The following CAMTA1 variants were observed in gnomAD, a reference collection of about 807,000 sequenced individuals.
CAMTA1 encodes calmodulin binding transcription activator 1, also known as calmodulin-binding transcription activator 1.
In CAMTA1, 27 loss-of-function variants were observed where a neutral mutation model predicts 170.9. The observed-to-expected ratio is 0.16, with a 90% CI of 0.12 to 0.22. The LOEUF is 0.22. Among genes scored for constraint, CAMTA1 ranks in the 10% least tolerant of loss-of-function variants. The probability of loss-of-function intolerance (pLI) is 1.00; values close to 1 mark genes in which losing one functional copy is unlikely to be tolerated. For missense variants in CAMTA1, 1,619 were observed against 2,217.2 expected (o/e 0.73, Z 5.42); for synonymous variants, 833 against 891.5 (o/e 0.93, Z 1.17).
intron 4 of CAMTA1, among the ~76,000 whole-genome samples, chr1:7,243,346 T>G (rs945340995): frequency 6.6e-5 from 10 of 152,214 alleles, no homozygotes; most frequent in Admixed American, 2.0e-4. Context: ...TCTTCTAGGG[T>G]TTTTATGGTT....
rs566787445 is a variant in CAMTA1, at chr1:6,856,136, A to G, written c.234+30926A>G. 8.5e-5 allele frequency among the ~76,000 whole-genome samples: 13 copies of G among 152,202 alleles called. No homozygotes were observed. The East Asian group carries it at 2.5e-3, about 29-fold the overall frequency. ...TGCTGTTGTGTGCTGTAGTCTCTGGAGGCTGGAGCAGCTGCAGGTGCTTGT... is the reference window on the plus strand; with the variant it reads ...TGCTGTTGTGTGCTGTAGTCTCTGGGGGCTGGAGCAGCTGCAGGTGCTTGT... On this transcript the variant is annotated intron_variant, in intron 3 of 22. Transcript: ENST00000303635.
intron 4 of CAMTA1, among the ~76,000 whole-genome samples, chr1:7,242,976 A>G (rs1469151839): frequency 6.6e-6 from 1 of 151,890 alleles, no homozygotes; most frequent in African/African-American, 2.4e-5. Context: ...AATAAAAAAT[A>G]AAAAAAAGAA....
At chr1:7,647,276 G>T (rs1485944971) in intron 7 of CAMTA1, among the ~76,000 whole-genome samples, 1 of 91,134 alleles carries the variant, frequency 1.1e-5, no homozygotes, top group Non-Finnish European at 2.5e-5. Context: ...CAAAGATCCA[G>T]AAGGGGGGGG....
At chr1:7,111,282 C>G (rs564330223) in intron 4 of CAMTA1, among the ~76,000 whole-genome samples, 1 of 152,352 alleles carries the variant, frequency 6.6e-6, no homozygotes, top group African/African-American at 2.4e-5. Context: ...ACCACATAAT[C>G]TAACATAGCC....
intron 22 of CAMTA1, among the ~76,000 whole-genome samples, chr1:7,759,853 G>C (rs931588107): frequency 1.4e-4 from 21 of 152,170 alleles, no homozygotes; most frequent in African/African-American, 4.8e-4. Context: ...TGTTTTTCTA[G>C]ACAGAAAATG....
Position 7,642,533 on chromosome 1 carries a change from A to G in CAMTA1, c.664+1980A>G, listed in dbSNP as rs2095771774. ...GTACATAGGGGGCACCTCACTATGC[A>G]GGGCTGGCACCGGACACTGGGTCCT... On this transcript the variant is annotated intron_variant, in intron 7 of 22. Transcript: ENST00000303635. The surrounding 1 kb of genome is among the most constrained non-coding windows in gnomAD (Gnocchi z 6.3). 6.6e-6 allele frequency among the ~76,000 whole-genome samples: 1 copy of G among 152,154 alleles called. No homozygotes were observed. Among genetic ancestry groups the G allele is most frequent in the African/African-American group, 2.4e-5 (1 of 41,440 alleles).
At chr1:7,740,904 G>T (rs1453835604) in intron 16 of CAMTA1, among the ~76,000 whole-genome samples, 1 of 152,100 alleles carries the variant, frequency 6.6e-6, no homozygotes, top group Admixed American at 6.5e-5. Flanking sequence ...TATGAAAAAA[G>T]CAGCAGTCTA....
chr1:7,468,823 G>A (rs1396549347), intron 6 of CAMTA1, among the ~76,000 whole-genome samples: 1 of 152,214 alleles, frequency 6.6e-6, no homozygotes, highest in Non-Finnish European at 1.5e-5. Flanking sequence ...TCTCTGACCT[G>A]GCGGGGGTGT....
chr1:7,096,067 C>T (rs927966583), intron 4 of CAMTA1, among the ~76,000 whole-genome samples: 3 of 152,202 alleles, frequency 2.0e-5, no homozygotes, highest in Non-Finnish European at 4.4e-5. Flanking sequence ...ATAGATAGCA[C>T]CTCCACATGG....
chr1:7,219,193 A>G (rs933939748), intron 4 of CAMTA1, among the ~76,000 whole-genome samples: 1 of 152,152 alleles, frequency 6.6e-6, no homozygotes, highest in Non-Finnish European at 1.5e-5. Flanking sequence ...CTTCAGCCAA[A>G]TACTGGCGTG....
intron 5 of CAMTA1, among the ~76,000 whole-genome samples, chr1:7,306,910 A>G (rs545879613): frequency 5.3e-5 from 8 of 151,946 alleles, no homozygotes; most frequent in Non-Finnish European, 1.0e-4. Context: ...TATAGCATCT[A>G]CATTAGGTAT....
At chr1:7,571,561 T>C (rs2095126447) in intron 6 of CAMTA1, among the ~76,000 whole-genome samples, 1 of 152,192 alleles carries the variant, frequency 6.6e-6, no homozygotes, top group Admixed American at 6.5e-5. Context: ...TTATTTTAGC[T>C]CCCAATTATA....
chr1:7,166,302 G>A (rs144056517), intron 4 of CAMTA1, among the ~76,000 whole-genome samples: 8 of 152,286 alleles, frequency 5.3e-5, no homozygotes, highest in East Asian at 3.9e-4. Flanking sequence ...TCCTGACTGC[G>A]TGATCTGCCT....
At chr1:6,831,148 A>G (rs1649963995) in intron 3 of CAMTA1, among the ~76,000 whole-genome samples, 1 of 152,154 alleles carries the variant, frequency 6.6e-6, no homozygotes, top group Non-Finnish European at 1.5e-5. Context: ...GACTATTAGT[A>G]TGTGGACTAT....
intron 7 of CAMTA1, among the ~76,000 whole-genome samples, chr1:7,651,833 G>A (rs546225250): frequency 5.9e-4 from 90 of 152,360 alleles, no homozygotes; most frequent in African/African-American, 1.9e-3. Context: ...TGGGGGCCCC[G>A]ACCCCAGGCC....
In CAMTA1 at chr1:7,410,104, C is replaced by T. The variant is rs2090604768; in HGVS notation, c.439-57726C>T. On this transcript the variant is annotated intron_variant, in intron 5 of 22. Transcript: ENST00000303635. ...GCTTTTCTCCAGTTGCTCTCCCCTC[C>T]TTGAAGGAAAGCAGTAAGGATTTGT... is the stretch of plus-strand genomic sequence containing the variant. Among the ~76,000 whole-genome samples, 3 of 152,192 alleles carry T rather than the reference C, an allele frequency of 2.0e-5. No individual in the cohort carries two copies. The South Asian group carries it at 6.2e-4, about 31-fold the overall frequency.
chr1:7,056,922 G>T (rs2101685228), intron 3 of CAMTA1, among the ~76,000 whole-genome samples: 1 of 152,322 alleles, frequency 6.6e-6, no homozygotes, highest in South Asian at 2.1e-4. Context: ...CCCCTCAGAA[G>T]ACTCTTGGTT....
chr1:7,502,094 G>A (rs960966079), intron 6 of CAMTA1, among the ~76,000 whole-genome samples: 2 of 152,260 alleles, frequency 1.3e-5, no homozygotes, highest in Non-Finnish European at 2.9e-5. Flanking sequence ...AGCACATGTG[G>A]TGCAGCGGTG....
chr1:6,942,885 A>AC (rs1422111057), intron 3 of CAMTA1, among the ~76,000 whole-genome samples: 1 of 152,110 alleles, frequency 6.6e-6, no homozygotes, highest in African/African-American at 2.4e-5. Context: ...CTGTGCTTGG[A>AC]CACTCTCACT....
Sources: gnomAD v4.1 joint callset for allele counts (sites outside exome capture counted in the v4.1 genomes callset) on GRCh38, gnomAD v4.1.1 for gene constraint, Gnocchi (gnomAD v3.1) non-coding constraint, MANE v1.5 for transcripts, NCBI Gene and HGNC (gene_info 2026-07-23, HGNC 2026-07-21) for gene names.